Variants in TFB2M observed in about 807,000 individuals in gnomAD.
TFB2M encodes the protein dimethyladenosine transferase 2, mitochondrial.
In TFB2M, 44 loss-of-function variants were observed where a neutral mutation model predicts 41.3. The ratio of observed to expected loss-of-function variants is 1.07; its 90% CI spans 0.84 to 1.37. The LOEUF (loss-of-function observed/expected upper bound fraction) is 1.37, where lower values mean the gene tolerates loss of function less well. Ranked by LOEUF, TFB2M falls within the 40% of genes most tolerant of loss-of-function variation. TFB2M has a pLI of 0.00. For missense variants in TFB2M, 496 were observed against 490.2 expected (o/e 1.01, Z -0.11); for synonymous variants, 188 against 176.8 (o/e 1.06, Z -0.50).
At position 246,566,150 on chromosome 1, in the gene TFB2M, T is replaced by A. The variant is rs768034441; in HGVS notation, c.-12A>T. ...ACTGGGATCCACATGTCCTTGTCTC[T>A]CAGGCCCGCTCCAAGAATCACCTAG... On this transcript the variant is annotated 5_prime_UTR_variant, in exon 1 of 8. Transcript: ENST00000366514. 2.9e-5 allele frequency: 46 copies of A among 1,596,628 alleles called. No homozygotes were observed. Among genetic ancestry groups the A allele is most frequent in the Non-Finnish European group, 3.9e-5 (45 of 1,167,826 alleles).
chr1:246,545,377 T>C (rs1443032347), intron 6 of TFB2M, among the ~76,000 whole-genome samples: 2 of 151,368 alleles, frequency 1.3e-5, no homozygotes, highest in Non-Finnish European at 2.9e-5. Flanking sequence ...AAAAATAAAT[T>C]AGCTGGGTGT....
intron 5 of TFB2M, among the ~76,000 whole-genome samples, chr1:246,550,443 G>C (rs554781279): frequency 2.3e-4 from 35 of 152,090 alleles, no homozygotes; most frequent in Non-Finnish European, 1.5e-5. Context: ...GAAAAAAAAA[G>C]AATTGGAACA....
At chr1:246,547,168 G>C (rs1002281706) in intron 6 of TFB2M, among the ~76,000 whole-genome samples, 15 of 152,196 alleles carry the variant, frequency 9.9e-5, no homozygotes, top group African/African-American at 3.6e-4. Context: ...ATTTTTAGCA[G>C]AGATGGGGTT....
At chr1:246,542,983 C>T (rs1156478744) in intron 7 of TFB2M, among the ~76,000 whole-genome samples, 2 of 102,030 alleles carry the variant, frequency 2.0e-5, no homozygotes. Flanking sequence ...CTCTGCCTCC[C>T]AATTTTTTTT....
intron 6 of TFB2M, among the ~76,000 whole-genome samples, chr1:246,545,307 T>A (rs577271590): frequency 1.4e-4 from 21 of 152,052 alleles, no homozygotes; most frequent in Admixed American, 8.5e-4. Context: ...AAGGCGTGGA[T>A]CACTCGAGGT....
chr1:246,565,862 T>C lies in TFB2M; in HGVS notation c.277A>G (p.Ser93Gly), dbSNP rs780143103. 44 of 1,608,718 alleles carry C rather than the reference T, an allele frequency of 2.7e-5. No individual in the cohort carries two copies. In the South Asian group the frequency reaches 4.5e-4, roughly 16 times the overall value. Residue 93 changes from serine to glycine, a missense_variant, in exon 1 of 8, where the codon AGT becomes GGT. Physicochemically the swap from Ser to Gly is moderately conservative, Grantham distance 56. Transcript: ENST00000366514. ...TCCAGCAGTAGGTGTGGAGGTCTACTTGGTTTTCCCAAATAGATTTGCGCC... is the reference window on the plus strand; with the variant it reads ...TCCAGCAGTAGGTGTGGAGGTCTACCTGGTTTTCCCAAATAGATTTGCGCC... ...TLAQIYLGKPSRPPHLLLECN... is the reference protein window; with the variant it reads ...TLAQIYLGKPGRPPHLLLECN...
Position 246,557,378 on chromosome 1 carries a change from G to C in TFB2M, c.556+3C>G, listed in dbSNP as rs780444616. ...ATTTGCTTTAGTAAATTCCAAAAAT[G>C]ACCTGCTGTCCAAGGAACTGCTTCT... On this transcript the variant is annotated splice_donor_region_variant and intron_variant, in intron 3 of 7. Transcript: ENST00000366514. 3 of 1,608,190 alleles carry C rather than the reference G, an allele frequency of 1.9e-6. No individual in the cohort carries two copies. The highest frequency in any genetic ancestry group is 2.2e-5 in the South Asian group (2 of 89,374).
At position 246,560,205 on chromosome 1, in the gene TFB2M, CT is replaced by C. The variant is rs760273148; in HGVS notation, c.403-2672del. Among the ~76,000 whole-genome samples, 4 of 152,256 alleles carry C rather than the reference CT, an allele frequency of 2.6e-5. No homozygotes were observed. In the South Asian group the frequency reaches 6.2e-4, roughly 24 times the overall value. On this transcript the variant is annotated intron_variant, in intron 2 of 7. Transcript: ENST00000366514. ...AGGCAAACCAAAAGATTGGACACCCCTGATATAGCATTAACATAATCTTTCA... is the reference window on the plus strand; with the variant it reads ...AGGCAAACCAAAAGATTGGACACCCCGATATAGCATTAACATAATCTTTCA...
Position 246,544,715 on chromosome 1 carries a change from C to T in TFB2M, c.859-34G>A, listed in dbSNP as rs775655943. ...AAGAAAAAATGAATTGCATTAGTCA[C>T]AAAATATTGCCAGAGTAAGACATTG... On this transcript the variant is annotated intron_variant, in intron 6 of 7. Transcript: ENST00000366514. 4 of 1,556,334 alleles carry T rather than the reference C, an allele frequency of 2.6e-6. No homozygotes were observed. The South Asian group carries it at 4.9e-5, about 19-fold the overall frequency.
At chr1:246,560,758 A>C (rs777589110) in intron 2 of TFB2M, among the ~76,000 whole-genome samples, 8 of 152,182 alleles carry the variant, frequency 5.3e-5, no homozygotes, top group Non-Finnish European at 8.8e-5. Context: ...AAAAACAGAG[A>C]AAAGGCAAGT....
Position 246,548,459 on chromosome 1 carries a change from TAC to T in TFB2M, c.858+84_858+85del. 3.5e-6 allele frequency: 4 copies of T among 1,136,064 alleles called. No homozygotes were observed. In the South Asian group the frequency reaches 5.9e-5, roughly 17 times the overall value. 70.4% of individuals were successfully genotyped at this position (1,136,064 alleles called of 1,614,324 possible). A position where few individuals can be genotyped will look rare whatever the true frequency, so the allele number is the denominator to read the frequency against. On this transcript the variant is annotated intron_variant, in intron 6 of 7. Transcript: ENST00000366514. ...GATATTTTAAAATTAAAAAGTTAAATACAGACTACCAAATAGTCCTAAAAAAA... is the reference window on the plus strand; with the variant it reads ...GATATTTTAAAATTAAAAAGTTAAATAGACTACCAAATAGTCCTAAAAAAA...
intron 1 of TFB2M, among the ~76,000 whole-genome samples, chr1:246,564,803 C>T (rs1322109979): frequency 2.0e-5 from 3 of 152,082 alleles, no homozygotes; most frequent in African/African-American, 7.2e-5. Flanking sequence ...CCTCAGCCTC[C>T]CGAGTAGCTG....
chr1:246,557,897 T>C (rs902322795), intron 2 of TFB2M, among the ~76,000 whole-genome samples: 3 of 152,108 alleles, frequency 2.0e-5, no homozygotes, highest in Non-Finnish European at 4.4e-5. Context: ...CCTCAATCTC[T>C]TGACCTCATG....
intron 6 of TFB2M, among the ~76,000 whole-genome samples, chr1:246,546,312 T>TAAAAAAAGGAAAAA (rs1553363584): frequency 7.1e-6 from 1 of 140,204 alleles, no homozygotes; most frequent in East Asian, 2.1e-4. Context: ...CACTGTCTTT[T>TAAAAAAAGGAAAAA]AAAAAAAGAA....
chr1:246,562,816 C>T (rs1241653585), intron 2 of TFB2M, among the ~76,000 whole-genome samples: 3 of 152,086 alleles, frequency 2.0e-5, no homozygotes, highest in Admixed American at 2.0e-4. Context: ...TGCGCCACCA[C>T]GCCCAGCTAA....
intron 2 of TFB2M, among the ~76,000 whole-genome samples, chr1:246,563,183 C>T (rs12125254): frequency 0.056 from 8,311 of 148,518 alleles, 313 homozygotes; most frequent in Middle Eastern, 0.085. Context: ...TGCTGTGCTG[C>T]TTAGTTTCTC....
intron 6 of TFB2M, among the ~76,000 whole-genome samples, chr1:246,547,618 A>C (rs1172795734): frequency 6.6e-6 from 1 of 151,972 alleles, no homozygotes; most frequent in African/African-American, 2.4e-5. Flanking sequence ...CAAGATCTTC[A>C]GACTAAGCTG....
At chr1:246,551,518 C>T (rs185266607) in intron 4 of TFB2M, among the ~76,000 whole-genome samples, 7 of 152,032 alleles carry the variant, frequency 4.6e-5, no homozygotes, top group East Asian at 1.9e-4. Context: ...GGCATTTGGG[C>T]GTTCCGTGTG....
intron 1 of TFB2M, 84 bp from the exon 2 acceptor site, chr1:246,564,518 C>G: frequency 8.0e-7 from 1 of 1,246,150 alleles, no homozygotes; most frequent in South Asian, 1.3e-5. Flanking sequence ...ATGTTTCACA[C>G]GTTATTACCT....
Sources: gnomAD v4.1 joint callset for allele counts (sites outside exome capture counted in the v4.1 genomes callset) on GRCh38, gnomAD v4.1.1 for gene constraint, MANE v1.5 for transcripts, NCBI Gene and HGNC (gene_info 2026-07-23, HGNC 2026-07-21) for gene names.